Variants in ADCY8 observed in about 807,000 individuals in gnomAD.
The protein encoded by ADCY8 is adenylate cyclase 8, also known as adenylate cyclase type 8.
A neutral mutation model predicts 119.7 loss-of-function variants in ADCY8; 51 were observed. The ratio of observed to expected loss-of-function variants is 0.43; its 90% CI spans 0.34 to 0.54. The LOEUF (loss-of-function observed/expected upper bound fraction) is 0.54. Among genes scored for constraint, ADCY8 ranks in the 20% least tolerant of loss-of-function variants. ADCY8 has a pLI of 0.03. For synonymous variants in ADCY8, 665 were observed against 651.0 expected (o/e 1.02, Z -0.33); for missense variants, 1,383 against 1,598.8 (o/e 0.87, Z 2.30).
chr8:131,011,443 C>G lies in ADCY8; in HGVS notation c.961-20901G>C, dbSNP rs148823741. ...GATGGGACCTGAAAGAATCAAGTGA[C>G]TCTTTCCCCTGCTGGATGGACCTGG... On this transcript the variant is annotated intron_variant, in intron 1 of 17. Coordinates refer to ENST00000286355, the MANE Select transcript of ADCY8 (RefSeq NM_001115.3). Among the ~76,000 whole-genome samples, 1,056 of 152,266 alleles carry G rather than the reference C, an allele frequency of 6.9e-3. 17 individuals are homozygous for G. Among genetic ancestry groups the G allele is most frequent in the African/African-American group, 0.023 (975 of 41,554 alleles).
intron 13 of ADCY8, among the ~76,000 whole-genome samples, chr8:130,817,248 G>T (rs150034898): frequency 6.3e-4 from 96 of 152,318 alleles, no homozygotes; most frequent in South Asian, 3.3e-3. Flanking sequence ...GATTGATGAA[G>T]TTAAGTCAAA....
intron 11 of ADCY8, among the ~76,000 whole-genome samples, chr8:130,841,884 T>G (rs534469165): frequency 2.2e-4 from 33 of 152,340 alleles, no homozygotes; most frequent in South Asian, 8.3e-4. Flanking sequence ...CACAGTGAAG[T>G]GTGTCCAGGC....
chr8:131,004,500 C>T (rs1823053882), intron 1 of ADCY8, among the ~76,000 whole-genome samples: 1 of 152,178 alleles, frequency 6.6e-6, no homozygotes, highest in Non-Finnish European at 1.5e-5. Context: ...GATCTCTCGA[C>T]CTGTACTCTG....
Position 130,994,820 on chromosome 8 carries a change from T to C in ADCY8, c.961-4278A>G, listed in dbSNP as rs187687810. ...TACTTAATACACCACAAAATATTTA[T>C]CTGTTCCACCACTCATGGACATTCT... On this transcript the variant is annotated intron_variant, in intron 1 of 17. Transcript: ENST00000286355. 3.5e-4 allele frequency among the ~76,000 whole-genome samples: 53 copies of C among 152,338 alleles called. 1 individual carries two copies. The highest frequency in any genetic ancestry group is 3.8e-4 in the Non-Finnish European group (26 of 68,028).
At chr8:130,909,664 C>T (rs1181852386) in intron 6 of ADCY8, 44 bp downstream of exon 6, 1 of 1,609,418 alleles carries the variant, frequency 6.2e-7, no homozygotes, top group Non-Finnish European at 8.5e-7. Flanking sequence ...CAAAATAAGC[C>T]AATGACAACC....
chr8:131,019,045 A>T (rs1823568398), intron 1 of ADCY8, among the ~76,000 whole-genome samples: 1 of 152,164 alleles, frequency 6.6e-6, no homozygotes, highest in South Asian at 2.1e-4. Flanking sequence ...ACACTACAGA[A>T]ATGCCAGGGA....
intron 2 of ADCY8, among the ~76,000 whole-genome samples, chr8:130,956,848 T>C (rs1821443182): frequency 6.6e-6 from 1 of 152,214 alleles, no homozygotes; most frequent in South Asian, 2.1e-4. Context: ...CTGCCATTCA[T>C]GTAAGATGGG....
Position 130,836,417 on chromosome 8 carries a change from C to T in ADCY8, c.2535G>A (p.Val845=). The stretch of plus-strand genomic sequence containing the variant: ...TCAGCCGGAGGAAAACTGCACAGGT[C>T]ACCATGGCCAACACCCCCGTGAAGA... ...YFVFTGVLAM[V]TCAVFLRLNS... The change falls in exon 12 of 18, where the codon GTG becomes GTA. Residue 845 remains valine, a synonymous_variant. Transcript: ENST00000286355. The T allele has an allele frequency of 1.2e-6, 2 of 1,613,880 alleles. No homozygotes were observed. The highest frequency in any genetic ancestry group is 1.1e-5 in the South Asian group (1 of 91,050).
intron 11 of ADCY8, among the ~76,000 whole-genome samples, chr8:130,844,803 TG>T (rs1233667826): frequency 2.6e-5 from 4 of 152,236 alleles, no homozygotes; most frequent in Non-Finnish European, 5.9e-5. Context: ...CTGAACAAGA[TG>T]ACCGTTTCAT....
At chr8:130,997,867 C>T (rs975834795) in intron 1 of ADCY8, among the ~76,000 whole-genome samples, 3 of 152,116 alleles carry the variant, frequency 2.0e-5, no homozygotes, top group Non-Finnish European at 2.9e-5. Context: ...CTGGATCCCT[C>T]GGGTCCCATC....
intron 2 of ADCY8, among the ~76,000 whole-genome samples, chr8:130,959,001 A>G (rs536080865): frequency 5.3e-5 from 8 of 152,102 alleles, no homozygotes; most frequent in Non-Finnish European, 1.0e-4. Context: ...GCCTCAATAT[A>G]TATTTGTTGT....
At chr8:130,839,396 C>G (rs949827379) in intron 11 of ADCY8, among the ~76,000 whole-genome samples, 2 of 139,038 alleles carry the variant, frequency 1.4e-5, no homozygotes, top group Non-Finnish European at 3.2e-5. Flanking sequence ...AAAGGTGAAC[C>G]TTTTGGAGGT....
chr8:130,935,571 T>C (rs1260487798), intron 5 of ADCY8: 3 of 152,252 alleles, frequency 2.0e-5, no homozygotes, highest in Non-Finnish European at 4.4e-5. Flanking sequence ...TGCAAGACAA[T>C]GTGCTACAGC....
In ADCY8 at chr8:131,022,120, CTG is replaced by C. The variant is rs200560815; in HGVS notation, c.960+17252_960+17253del. Among the ~76,000 whole-genome samples the C allele has an allele frequency of 7.1e-3, 1,069 of 151,282 alleles. 17 individuals are homozygous for C. The highest frequency in any genetic ancestry group is 0.024 in the African/African-American group (979 of 40,874). The stretch of plus-strand genomic sequence containing the variant: ...TTTTCCATTTGGTGTGCACACCAAT[CTG>C]TTTTTTTTATTATTATTATACTTTA... On this transcript the variant is annotated intron_variant, in intron 1 of 17. Coordinates refer to ENST00000286355, the MANE Select transcript of ADCY8 (RefSeq NM_001115.3).
chr8:130,821,490 C>A, intron 12 of ADCY8, 70 bp from the exon 13 acceptor site: 1 of 1,182,062 alleles, frequency 8.5e-7, no homozygotes, highest in South Asian at 1.3e-5. Flanking sequence ...AACTGAGGTT[C>A]AGAAAGGAGT....
At chr8:130,970,346 A>G (rs1441470090) in intron 2 of ADCY8, among the ~76,000 whole-genome samples, 1 of 152,142 alleles carries the variant, frequency 6.6e-6, no homozygotes, top group African/African-American at 2.4e-5. Context: ...CGCAAACCCT[A>G]TGGTGAACCG....
intron 9 of ADCY8, among the ~76,000 whole-genome samples, chr8:130,859,073 G>A (rs1282069289): frequency 2.0e-5 from 3 of 152,024 alleles, no homozygotes; most frequent in Non-Finnish European, 2.9e-5. Flanking sequence ...TTGGATATCG[G>A]CATTAGAAAC....
chr8:130,868,699 A>C (rs756064835), intron 8 of ADCY8, among the ~76,000 whole-genome samples: 8 of 152,194 alleles, frequency 5.3e-5, no homozygotes, highest in Middle Eastern at 3.2e-3. Flanking sequence ...AAAGTTTTTA[A>C]AACTGAAAAA....
Position 130,969,561 on chromosome 8 carries a change from G to GTTTCTC in ADCY8, c.1111-17564_1111-17563insGAGAAA. On this transcript the variant is annotated intron_variant, in intron 2 of 17. Coordinates refer to ENST00000286355, the MANE Select transcript of ADCY8 (RefSeq NM_001115.3). ...AGCTCCCATCATTTTGTCATGTGAA[G>GTTTCTC]ACCCTGTATTGAGTTTCTCAGAACT... 1.3e-5 allele frequency among the ~76,000 whole-genome samples: 2 copies of GTTTCTC among 152,168 alleles called. 1 individual carries two copies. The highest frequency in any genetic ancestry group is 4.2e-4 in the South Asian group (2 of 4,806).
Sources: allele counts gnomAD v4.1 joint callset (sites outside exome capture counted in the v4.1 genomes callset), GRCh38; gene constraint gnomAD v4.1.1; transcripts MANE v1.5; gene names NCBI Gene and HGNC (gene_info 2026-07-23, HGNC 2026-07-21).